Variants in AUTS2 observed in about 807,000 individuals in gnomAD.
AUTS2 encodes the protein autism susceptibility gene 2 protein.
In AUTS2, 17 loss-of-function variants were observed where a neutral mutation model predicts 112.4. The ratio of observed to expected loss-of-function variants is 0.15; its 90% CI spans 0.10 to 0.23. The LOEUF (loss-of-function observed/expected upper bound fraction) is 0.23, where lower values mean the gene tolerates loss of function less well. AUTS2 is among the 10% of genes least tolerant of loss of function. The pLI, the probability that AUTS2 is intolerant of heterozygous loss-of-function variation, is 1.00. For synonymous variants in AUTS2, 751 were observed against 702.7 expected (o/e 1.07, Z -1.09); for missense variants, 1,510 against 1,701.6 (o/e 0.89, Z 1.98).
At chr7:70,543,103 A>G (rs1209117761) in intron 5 of AUTS2, among the ~76,000 whole-genome samples, 2 of 152,186 alleles carry the variant, frequency 1.3e-5, no homozygotes, top group African/African-American at 2.4e-5. Flanking sequence ...GAAATATAAT[A>G]TAAGTATGAG....
rs1475053509 is a variant in AUTS2, at chr7:70,790,135, C to G, written c.2919C>G (p.Asn973Lys). ...GCAAGGGTGAGCCGGCCTACGAGAA[C>G]CCCAAGAAGAGCTCCGAGGTCAAGG... The part of the protein sequence containing the change: ...EPRKGEPAYE[N>K]PKKSSEVKVK... The change falls in exon 19 of 19, where the codon AAC (asparagine) becomes AAG (lysine). Residue 973 changes from asparagine to lysine, a missense_variant. Asn to Lys is a moderately conservative substitution (Grantham distance 94). Around this residue, in one of 3 missense-constraint regions of AUTS2, gnomAD observed 788 missense variants for 797.6 expected, o/e 0.99. Transcript: ENST00000342771. The surrounding 1 kb of genome is among the most constrained non-coding windows in gnomAD (Gnocchi z 7.6). 1 of 1,608,248 alleles carries G rather than the reference C, an allele frequency of 6.2e-7. No individual in the cohort carries two copies. The highest frequency in any genetic ancestry group is 1.1e-5 in the South Asian group (1 of 90,370).
At chr7:69,941,217 T>G (rs1440745589) in intron 2 of AUTS2, among the ~76,000 whole-genome samples, 1 of 152,198 alleles carries the variant, frequency 6.6e-6, no homozygotes, top group Non-Finnish European at 1.5e-5. Context: ...ACTGAGTTTC[T>G]CATTGAGTCA....
intron 5 of AUTS2, among the ~76,000 whole-genome samples, chr7:70,583,793 C>T (rs1212634521): frequency 3.3e-5 from 5 of 152,240 alleles, no homozygotes; most frequent in African/African-American, 4.8e-5. Context: ...AAAAAACTGC[C>T]TTCTGTCCCT....
At chr7:70,706,557 G>A (rs555740569) in intron 6 of AUTS2, among the ~76,000 whole-genome samples, 3 of 152,324 alleles carry the variant, frequency 2.0e-5, no homozygotes, top group South Asian at 4.1e-4. Context: ...CTCTTACTGT[G>A]TTAATGCAAA....
chr7:70,107,126 G>T (rs1480903038), intron 2 of AUTS2, among the ~76,000 whole-genome samples: 1 of 151,974 alleles, frequency 6.6e-6, no homozygotes, highest in Non-Finnish European at 1.5e-5. Context: ...CTGTAATTAT[G>T]CAACTTTTTC....
At chr7:70,488,499 T>A (rs953406082) in intron 5 of AUTS2, among the ~76,000 whole-genome samples, 4 of 152,144 alleles carry the variant, frequency 2.6e-5, no homozygotes, top group African/African-American at 9.7e-5. Flanking sequence ...ATCTTCTCAG[T>A]TCTGTCCCCT....
chr7:69,614,376 G>GCTTTTCTTTCTTTCTTTCTTTCT, intron 1 of AUTS2, among the ~76,000 whole-genome samples: 1 of 64,192 alleles, frequency 1.6e-5, no homozygotes, highest in African/African-American at 7.3e-5. Context: ...TTTTTTAAGA[G>GCTTTTCTTTCTTTCTTTCTTTCT]ATGGGATCTC....
chr7:70,027,303 C>T (rs767125691), intron 2 of AUTS2, among the ~76,000 whole-genome samples: 33 of 152,142 alleles, frequency 2.2e-4, no homozygotes, highest in Non-Finnish European at 4.3e-4. Flanking sequence ...TTAGCCTTGT[C>T]GGGTTTTCCT....
Position 70,061,913 on chromosome 7 carries a change from G to A in AUTS2, c.523-56219G>A, listed in dbSNP as rs182002003. On this transcript the variant is annotated intron_variant, in intron 2 of 18. Transcript: ENST00000342771. ...AGCAATTCTCCCACCTCAGCCTCCC[G>A]AGTAGCTGAGATTACAGGCTCCCGC... 7.1e-3 allele frequency among the ~76,000 whole-genome samples: 1,068 copies of A among 151,464 alleles called. 10 individuals carry two copies. The highest frequency in any genetic ancestry group is 0.018 in the South Asian group (88 of 4,768).
chr7:70,497,684 C>T (rs565004165), intron 5 of AUTS2, among the ~76,000 whole-genome samples: 7 of 152,220 alleles, frequency 4.6e-5, no homozygotes, highest in Admixed American at 6.5e-5. Context: ...CAGAAGTTTG[C>T]GTTACCTGTT....
At chr7:70,676,132 A>AAAG (rs201779634) in intron 5 of AUTS2, among the ~76,000 whole-genome samples, 34 of 152,208 alleles carry the variant, frequency 2.2e-4, no homozygotes, top group African/African-American at 8.0e-4. Flanking sequence ...TCTTCATTAA[A>AAAG]AAGAAGAAGA....
chr7:70,116,378 G>T (rs1805357749), intron 2 of AUTS2, among the ~76,000 whole-genome samples: 1 of 152,124 alleles, frequency 6.6e-6, no homozygotes, highest in Non-Finnish European at 1.5e-5. Flanking sequence ...CAAAAGTGAG[G>T]TCTGAACTGT....
chr7:70,575,887 G>T (rs943818807), intron 5 of AUTS2, among the ~76,000 whole-genome samples: 1 of 152,176 alleles, frequency 6.6e-6, no homozygotes, highest in Non-Finnish European at 1.5e-5. Flanking sequence ...TAAGGGTCTG[G>T]TTTGTTGATA....
chr7:69,793,185 G>A (rs931742656), intron 1 of AUTS2, among the ~76,000 whole-genome samples: 5 of 152,158 alleles, frequency 3.3e-5, no homozygotes, highest in African/African-American at 9.7e-5. Context: ...TAGGGAAGAG[G>A]TGGCCTGCCT....
At chr7:70,173,620 A>G (rs539729195) in intron 4 of AUTS2, among the ~76,000 whole-genome samples, 30 of 152,338 alleles carry the variant, frequency 2.0e-4, no homozygotes, top group African/African-American at 6.7e-4. Context: ...TTTACAAATT[A>G]AAGTTTTGTG....
intron 1 of AUTS2, among the ~76,000 whole-genome samples, chr7:69,787,380 A>T (rs143740050): frequency 1.3e-5 from 2 of 152,216 alleles, no homozygotes; most frequent in Non-Finnish European, 2.9e-5. Context: ...TTTACCAGAG[A>T]GGAGAAATTC....
chr7:69,894,252 GTTTTTTTTT>G lies in AUTS2; in HGVS notation c.310-5016_310-5008del, dbSNP rs370966756. ...GACTGTCAAATGAATGCCTTAAAGC[GTTTTTTTTT>G]TTTTTTTTTTTTTTTTTAACAGATT... On this transcript the variant is annotated intron_variant, in intron 1 of 18. Coordinates refer to ENST00000342771, the MANE Select transcript of AUTS2 (RefSeq NM_015570.4). Among the ~76,000 whole-genome samples, 13 of 36,738 alleles carry G rather than the reference GTTTTTTTTT, an allele frequency of 3.5e-4. No individual in the cohort carries two copies. The East Asian group carries it at 0.01, about 28-fold the overall frequency. 24.1% of individuals were successfully genotyped at this position (36,738 alleles called of 152,430 possible).
At chr7:70,441,466 G>A (rs780155403) in intron 5 of AUTS2, among the ~76,000 whole-genome samples, 1 of 152,102 alleles carries the variant, frequency 6.6e-6, no homozygotes, top group Non-Finnish European at 1.5e-5. Context: ...GCTCACTACA[G>A]CCTCGAACTC....
At chr7:70,123,800 G>C (rs576984638) in intron 3 of AUTS2, among the ~76,000 whole-genome samples, 78 of 152,248 alleles carry the variant, frequency 5.1e-4, no homozygotes, top group Admixed American at 2.4e-3. Context: ...GAGTAGTGCT[G>C]CAGTGAACAT....
Sources: allele counts gnomAD v4.1 joint callset (sites outside exome capture counted in the v4.1 genomes callset), GRCh38; gene constraint gnomAD v4.1.1; regional missense constraint gnomAD v4.1.1; non-coding constraint Gnocchi (gnomAD v3.1); transcripts MANE v1.5; gene names NCBI Gene and HGNC (gene_info 2026-07-23, HGNC 2026-07-21).